The following SORCS2 variants were observed in gnomAD, a reference collection of about 807,000 sequenced individuals.
SORCS2 encodes the protein sortilin related VPS10 domain containing receptor 2, also known as VPS10 domain-containing receptor SorCS2.
Under a neutral mutation model 141.6 loss-of-function variants are expected in SORCS2, and 100 were observed. The observed-to-expected ratio is 0.71, with a 90% confidence interval of 0.60 to 0.83. SORCS2 has a LOEUF of 0.83. SORCS2 is among the 40% of genes least tolerant of loss of function. The pLI is 0.00. For synonymous variants in SORCS2, 789 were observed against 676.9 expected (o/e 1.17, Z -2.57); for missense variants, 1,646 against 1,560.2 (o/e 1.05, Z -0.93).
At chr4:7,453,061 G>A in intron 2 of SORCS2, among the ~76,000 whole-genome samples, 1 of 141,078 alleles carries the variant, frequency 7.1e-6, no homozygotes, top group African/African-American at 2.7e-5. Flanking sequence ...TTGGGGTCAG[G>A]AGCTGTGTGT....
chr4:7,230,216 G>A (rs1295434408), intron 1 of SORCS2, among the ~76,000 whole-genome samples: 3 of 135,466 alleles, frequency 2.2e-5, no homozygotes, highest in Non-Finnish European at 4.8e-5. Context: ...GTCTGGAGCA[G>A]TGTCATGTGC....
chr4:7,213,386 A>G (rs1047875316), intron 1 of SORCS2, among the ~76,000 whole-genome samples: 1 of 152,170 alleles, frequency 6.6e-6, no homozygotes, highest in African/African-American at 2.4e-5. Context: ...CAGCCTGGGG[A>G]GGGCTGGAGA....
chr4:7,486,355 G>A (rs1168689091), intron 2 of SORCS2, among the ~76,000 whole-genome samples: 1 of 36,408 alleles, frequency 2.7e-5, no homozygotes, highest in Non-Finnish European at 6.5e-5. Context: ...AGAACCAGGT[G>A]GACAGATGGA....
chr4:7,262,382 CCA>C (rs1176998710), intron 1 of SORCS2, among the ~76,000 whole-genome samples: 2 of 28,138 alleles, frequency 7.1e-5, no homozygotes, highest in Admixed American at 3.5e-4. Context: ...ATCTATCCAT[CCA>C]TCCATCCATC....
intron 7 of SORCS2, 100 bp from the exon 8 acceptor site, chr4:7,667,024 C>T (rs1241649893): frequency 2.8e-6 from 3 of 1,056,394 alleles, no homozygotes; most frequent in African/African-American, 1.6e-5. Flanking sequence ...AGTAAAAGGG[C>T]ATTTTCACTT....
chr4:7,666,950 T>C (rs1722541385), intron 7 of SORCS2, among the ~76,000 whole-genome samples, 174 bp from the exon 8 acceptor site: 1 of 151,896 alleles, frequency 6.6e-6, no homozygotes, highest in South Asian at 2.1e-4. Flanking sequence ...AGGAGGGGTG[T>C]TAATTTGGGG....
intron 3 of SORCS2, among the ~76,000 whole-genome samples, chr4:7,595,688 G>A (rs531415913): frequency 1.7e-4 from 26 of 152,316 alleles, no homozygotes; most frequent in African/African-American, 5.8e-4. Context: ...GGCCAGGGAT[G>A]TCCTGTGCAC....
chr4:7,400,988 T>A lies in SORCS2; in HGVS notation c.548+4633T>A, dbSNP rs190018622. On this transcript the variant is annotated intron_variant, in intron 2 of 26. Transcript: ENST00000507866. ...ATGGATGGATGAATGGATAGATGAA[T>A]GAATGGATTGATAGGTGGATAGATG... Among the ~76,000 whole-genome samples the A allele has an allele frequency of 1.3e-4, 20 of 152,114 alleles. No homozygotes were observed. The East Asian group carries it at 3.3e-3, about 25-fold the overall frequency.
intron 3 of SORCS2, among the ~76,000 whole-genome samples, chr4:7,623,730 G>T (rs1719351060): frequency 1.3e-5 from 2 of 152,188 alleles, no homozygotes; most frequent in African/African-American, 4.8e-5. Context: ...CAGTGACCGA[G>T]CCCTTGCTGG....
intron 1 of SORCS2, among the ~76,000 whole-genome samples, chr4:7,212,604 C>A (rs1227860007): frequency 6.6e-6 from 1 of 152,218 alleles, no homozygotes; most frequent in African/African-American, 2.4e-5. Flanking sequence ...AGGTCCTGGT[C>A]CATGGGAAAC....
chr4:7,202,759 G>C (rs1727544671), intron 1 of SORCS2, among the ~76,000 whole-genome samples: 1 of 152,194 alleles, frequency 6.6e-6, no homozygotes. Context: ...TGAAGCATCA[G>C]ACGTAGTGAT....
intron 16 of SORCS2, among the ~76,000 whole-genome samples, chr4:7,714,621 CA>C (rs566429904): frequency 1.3e-5 from 2 of 152,218 alleles, no homozygotes; most frequent in South Asian, 4.1e-4. Context: ...TGGCTGCTCA[CA>C]GGCAGGAGGA....
At chr4:7,695,272 G>GTGGA (rs1196852853) in intron 11 of SORCS2, among the ~76,000 whole-genome samples, 2 of 121,568 alleles carry the variant, frequency 1.6e-5, no homozygotes, top group Non-Finnish European at 3.4e-5. Context: ...GGATGGGTGG[G>GTGGA]TGGATGGATG....
chr4:7,322,163 A>G (rs757842920), intron 1 of SORCS2, among the ~76,000 whole-genome samples: 17 of 152,262 alleles, frequency 1.1e-4, no homozygotes, highest in Non-Finnish European at 2.2e-4. Flanking sequence ...GGGGGCCGGG[A>G]TGTGGGCCAA....
chr4:7,701,999 ACGAAGTTGCTGCATGC>A (rs1227516783), intron 12 of SORCS2, among the ~76,000 whole-genome samples: 3 of 77,676 alleles, frequency 3.9e-5, no homozygotes, highest in Non-Finnish European at 9.5e-5. Flanking sequence ...CCCACATGGC[ACGAAGTTGCTGCATGC>A]TTGTTCCTGG....
intron 1 of SORCS2, among the ~76,000 whole-genome samples, chr4:7,255,492 C>T (rs1399271270): frequency 2.6e-5 from 4 of 152,122 alleles, no homozygotes; most frequent in Middle Eastern, 3.4e-3. Context: ...GCTGGGGAGG[C>T]GGCTGTGATG....
intron 1 of SORCS2, among the ~76,000 whole-genome samples, chr4:7,303,484 A>T (rs968545581): frequency 6.6e-5 from 10 of 152,176 alleles, no homozygotes; most frequent in African/African-American, 2.4e-4. Flanking sequence ...AACTGACTTC[A>T]TTTGACATGC....
intron 3 of SORCS2, among the ~76,000 whole-genome samples, chr4:7,616,470 C>T (rs990930281): frequency 6.6e-6 from 1 of 152,152 alleles, no homozygotes; most frequent in Admixed American, 6.5e-5. Flanking sequence ...TTCATCCATC[C>T]TCTAGCCCCT....
chr4:7,319,774 T>C (rs1197554549), intron 1 of SORCS2, among the ~76,000 whole-genome samples: 1 of 152,190 alleles, frequency 6.6e-6, no homozygotes, highest in South Asian at 2.1e-4. Flanking sequence ...TTTAAAAATA[T>C]AGAAGTTTTG....
Sources: gnomAD v4.1 joint callset for allele counts (sites outside exome capture counted in the v4.1 genomes callset) on GRCh38, gnomAD v4.1.1 for gene constraint, MANE v1.5 for transcripts, NCBI Gene and HGNC (gene_info 2026-07-23, HGNC 2026-07-21) for gene names.